EXTL3: variants seen among roughly 807,000 people sequenced by gnomAD.
EXTL3 encodes exostosin-like 3.
A neutral mutation model predicts 69.3 loss-of-function variants in EXTL3; 27 were observed. That is an observed-to-expected ratio of 0.39 (90% CI 0.29 to 0.54). The LOEUF (loss-of-function observed/expected upper bound fraction) is 0.54. Among genes scored for constraint, EXTL3 ranks in the 20% least tolerant of loss-of-function variants. The pLI, the probability that EXTL3 is intolerant of heterozygous loss-of-function variation, is 0.69. For synonymous variants in EXTL3, 511 were observed against 499.4 expected (o/e 1.02, Z -0.31); for missense variants, 1,003 against 1,231.8 (o/e 0.81, Z 2.78).
intron 1 of EXTL3, among the ~76,000 whole-genome samples, chr8:28,656,883 G>GTCTTTCTTTCTTTCTTTCTT (rs150342301): frequency 2.0e-4 from 31 of 151,370 alleles, no homozygotes; most frequent in South Asian, 6.3e-4. Context: ...ATTATGGTTG[G>GTCTTTCTTTCTTTCTTTCTT]TCTTTCTTTC....
rs35761066 is a variant in EXTL3, at chr8:28,613,847, AT to A, written n.314+6101del. Reference sequence around the variant, plus strand: ...AGCCTATTAGCCTAGTCACAGGTGTATTTTTTTTTTTTAGAGACAGGGTCTC... The same window carrying A: ...AGCCTATTAGCCTAGTCACAGGTGTATTTTTTTTTTTAGAGACAGGGTCTC... On this transcript the variant is annotated intron_variant and non_coding_transcript_variant, in intron 2 of 4. Coordinates refer to the EXTL3 transcript ENST00000522725. Among the ~76,000 whole-genome samples, 212 of 146,282 alleles carry A rather than the reference AT, an allele frequency of 1.4e-3. 1 individual carries two copies. Among genetic ancestry groups the A allele is most frequent in the Middle Eastern group, 3.6e-3 (1 of 274 alleles).
Position 28,737,584 on chromosome 8 carries a change from C to T in EXTL3, c.2342C>T (p.Pro781Leu). Residue 781 changes from proline (P) to leucine (L), a missense_variant, in exon 5 of 7, where the codon CCC becomes CTC. Pro to Leu is a moderately conservative substitution (Grantham distance 98). Around this residue, in one of 2 missense-constraint regions of EXTL3, gnomAD observed 261 missense variants for 416.4 expected, o/e 0.63. Transcript: ENST00000220562. Reference sequence around the variant, plus strand: ...GGCCGTTACCACGCATGGGACATCCCCCATCAGTCCTGGCTCTACAACTCC... The same window carrying T: ...GGCCGTTACCACGCATGGGACATCCTCCATCAGTCCTGGCTCTACAACTCC... Reference protein sequence around the residue: ...FPGRYHAWDIPHQSWLYNSNY... With the variant: ...FPGRYHAWDILHQSWLYNSNY... 1 of 1,614,040 alleles carries T rather than the reference C, an allele frequency of 6.2e-7. No homozygotes were observed.
upstream of EXTL3, chr8:28,697,415 G>A (rs1226928050): frequency 6.6e-6 from 1 of 152,234 alleles, no homozygotes; most frequent in Non-Finnish European, 1.5e-5. Context: ...AAAGGACAGT[G>A]GATGCTGCTG....
At chr8:28,659,523 T>C (rs1040925773) in intron 1 of EXTL3, among the ~76,000 whole-genome samples, 6 of 152,108 alleles carry the variant, frequency 3.9e-5, no homozygotes, top group African/African-American at 1.2e-4. Flanking sequence ...TTGTTTCAGG[T>C]AGTTATGGGA....
At position 28,682,527 on chromosome 8, in the gene EXTL3, C is replaced by G. The variant is rs895820588; in HGVS notation, c.-52-30930C>G. Among the ~76,000 whole-genome samples the G allele has an allele frequency of 5.9e-5, 9 of 152,310 alleles. No individual in the cohort carries two copies. In the South Asian group the frequency reaches 6.2e-4, roughly 11 times the overall value. On this transcript the variant is annotated intron_variant, in intron 1 of 6. Coordinates refer to the EXTL3 transcript ENST00000523149. The stretch of plus-strand genomic sequence containing the variant: ...GTGCGATCTCGGCTCACTGCAACCA[C>G]TGCTTCCCAGGATCAAGCGATTCTC...
At chr8:28,666,193 G>C (rs866433507) in intron 1 of EXTL3, among the ~76,000 whole-genome samples, 7 of 152,136 alleles carry the variant, frequency 4.6e-5, no homozygotes, top group African/African-American at 1.7e-4. Context: ...GAGATCTTAG[G>C]TACTCAGTGC....
At chr8:28,673,649 A>G (rs1408300205) in intron 1 of EXTL3, among the ~76,000 whole-genome samples, 1 of 152,062 alleles carries the variant, frequency 6.6e-6, no homozygotes, top group East Asian at 1.9e-4. Flanking sequence ...CAATTAATCA[A>G]TCCCTCTCTC....
At chr8:28,748,703 C>T (rs1180098977) in intron 6 of EXTL3, among the ~76,000 whole-genome samples, 1 of 152,178 alleles carries the variant, frequency 6.6e-6, no homozygotes, top group African/African-American at 2.4e-5. Flanking sequence ...GGAGATGACA[C>T]ATACCTTGTT....
At chr8:28,685,307 C>T (rs1352747934) in intron 1 of EXTL3, among the ~76,000 whole-genome samples, 1 of 152,048 alleles carries the variant, frequency 6.6e-6, no homozygotes, top group Admixed American at 6.6e-5. Flanking sequence ...AATCCAGGAT[C>T]ACACATCGCA....
intron 1 of EXTL3, among the ~76,000 whole-genome samples, chr8:28,656,849 G>C (rs1369144819): frequency 6.6e-6 from 1 of 152,060 alleles, no homozygotes; most frequent in Non-Finnish European, 1.5e-5. Context: ...ATTATTTGTT[G>C]TTTCTGAGAT....
intron 1 of EXTL3, among the ~76,000 whole-genome samples, chr8:28,639,472 C>T (rs939507932): frequency 2.6e-5 from 4 of 152,212 alleles, no homozygotes; most frequent in East Asian, 1.9e-4. Flanking sequence ...CCCATCCCTT[C>T]GATATACAAA....
At chr8:28,709,983 A>G (rs144926572) in intron 1 of EXTL3, among the ~76,000 whole-genome samples, 38 of 152,328 alleles carry the variant, frequency 2.5e-4, no homozygotes, top group African/African-American at 8.4e-4. Flanking sequence ...CAGCCCTCCA[A>G]TGAGGAGCTA....
chr8:28,657,733 G>A (rs1259659166), intron 1 of EXTL3, among the ~76,000 whole-genome samples: 1 of 151,742 alleles, frequency 6.6e-6, no homozygotes, highest in African/African-American at 2.4e-5. Flanking sequence ...AGACCCGGGG[G>A]GAAAAAACCT....
intron 1 of EXTL3, among the ~76,000 whole-genome samples, chr8:28,709,482 T>G (rs991115302): frequency 1.3e-5 from 2 of 152,062 alleles, no homozygotes; most frequent in African/African-American, 4.8e-5. Flanking sequence ...AGTGACTCCC[T>G]TCTTCCCTGT....
intron 2 of EXTL3, among the ~76,000 whole-genome samples, chr8:28,609,135 C>G (rs1164950032): frequency 1.2e-5 from 1 of 81,292 alleles, no homozygotes; most frequent in African/African-American, 4.5e-5. Context: ...ACATTTGAGG[C>G]AGAAATAAGG....
chr8:28,701,977 G>A (rs1398343651), intron 1 of EXTL3, among the ~76,000 whole-genome samples: 1 of 151,478 alleles, frequency 6.6e-6, no homozygotes, highest in Non-Finnish European at 1.5e-5. Context: ...TGGGCTGCTC[G>A]GGACCCGCCT....
upstream of EXTL3, among the ~76,000 whole-genome samples, chr8:28,619,851 T>G (rs1487509455): frequency 2.7e-5 from 1 of 37,600 alleles, no homozygotes; most frequent in East Asian, 6.0e-4. Flanking sequence ...GGTTCTTTTT[T>G]TTTTTTTTTT....
chr8:28,619,266 T>TAAAAAAAAAAAAAAA (rs755355444), upstream of EXTL3, among the ~76,000 whole-genome samples: 5 of 64,656 alleles, frequency 7.7e-5, 1 homozygote, highest in Admixed American at 1.9e-4. Context: ...AGCTTAGTGA[T>TAAAAAAAAAAAAAAA]AAAAAAAAAA....
intron 1 of EXTL3, among the ~76,000 whole-genome samples, chr8:28,704,273 A>G (rs1585262881): frequency 1.3e-5 from 2 of 152,264 alleles, no homozygotes; most frequent in Non-Finnish European, 2.9e-5. Context: ...GTGGAGCCAT[A>G]GGAAGATGAA....
Sources: gnomAD v4.1 joint callset for allele counts (sites outside exome capture counted in the v4.1 genomes callset) on GRCh38, gnomAD v4.1.1 for gene constraint, gnomAD v4.1.1 regional missense constraint, MANE v1.5 for transcripts, NCBI Gene and HGNC (gene_info 2026-07-23, HGNC 2026-07-21) for gene names.